The following RFX3 variants were observed in gnomAD, a reference collection of about 807,000 sequenced individuals.
RFX3 encodes the protein regulatory factor X3, also known as transcription factor RFX3.
RFX3 carries 14 observed loss-of-function variants against 98.6 expected under a neutral mutation model. That is an observed-to-expected ratio of 0.14 (90% CI 0.09 to 0.22). The LOEUF is 0.22. Among genes scored for constraint, RFX3 ranks in the 10% least tolerant of loss-of-function variants. RFX3 has a pLI of 1.00. For missense variants in RFX3, 639 were observed against 926.9 expected (o/e 0.69, Z 4.03); for synonymous variants, 383 against 328.4 (o/e 1.17, Z -1.80).
chr9:3,240,528 T>C (rs1819769941), intron 15 of RFX3, among the ~76,000 whole-genome samples: 1 of 152,224 alleles, frequency 6.6e-6, no homozygotes, highest in Non-Finnish European at 1.5e-5. Context: ...TGTAGAAACA[T>C]GTTCCCTTTG....
intron 1 of RFX3, among the ~76,000 whole-genome samples, chr9:3,406,550 C>T (rs1353738665): frequency 6.6e-6 from 1 of 152,020 alleles, no homozygotes; most frequent in African/African-American, 2.4e-5. Flanking sequence ...ATGGACTATC[C>T]TTATCTTTTT....
At chr9:3,391,443 A>G (rs959982263) in intron 2 of RFX3, among the ~76,000 whole-genome samples, 4 of 152,232 alleles carry the variant, frequency 2.6e-5, no homozygotes, top group African/African-American at 9.6e-5. Flanking sequence ...GTGAAATAAA[A>G]CACTTTGTTG....
intron 2 of RFX3, among the ~76,000 whole-genome samples, chr9:3,370,359 T>C (rs576943538): frequency 6.6e-6 from 1 of 151,980 alleles, no homozygotes; most frequent in East Asian, 1.9e-4. Context: ...GATTCCTTTT[T>C]CCAACCATAG....
intron 4 of RFX3, among the ~76,000 whole-genome samples, chr9:3,317,647 T>C (rs868650959): frequency 4.4e-4 from 67 of 152,312 alleles, no homozygotes; most frequent in African/African-American, 1.5e-3. Flanking sequence ...ATCCAGAATC[T>C]ACAAAGAACT....
intron 4 of RFX3, among the ~76,000 whole-genome samples, chr9:3,314,892 C>T (rs145914147): frequency 6.6e-6 from 1 of 152,124 alleles, no homozygotes; most frequent in African/African-American, 2.4e-5. Flanking sequence ...TAGAGACCTA[C>T]AAAGAGACTT....
chr9:3,238,815 C>T (rs1487217394), intron 15 of RFX3, among the ~76,000 whole-genome samples: 2 of 152,022 alleles, frequency 1.3e-5, no homozygotes, highest in Non-Finnish European at 2.9e-5. Flanking sequence ...TGGAGAAACC[C>T]CGTCTCTACT....
intron 1 of RFX3, among the ~76,000 whole-genome samples, chr9:3,484,855 G>C (rs1056647279): frequency 2.0e-5 from 3 of 151,958 alleles, no homozygotes; most frequent in African/African-American, 7.3e-5. Context: ...AGGCCAAAAA[G>C]GAAGGCTCAC....
At chr9:3,399,306 T>C (rs1232850811) in intron 1 of RFX3, among the ~76,000 whole-genome samples, 1 of 147,804 alleles carries the variant, frequency 6.8e-6, no homozygotes, top group African/African-American at 2.5e-5. Flanking sequence ...CAGCTGGTCA[T>C]GGTGGTGGGC....
rs796341336 is a variant in RFX3 at position 3,291,389 on chromosome 9, CA to C, written c.731+1687del. ...TCCTTCTCAAAAAACAAAACAAAAACAAAAACAAAACAAAACAAAACAAAAC... is the reference window on the plus strand; with the variant it reads ...TCCTTCTCAAAAAACAAAACAAAAACAAAACAAAACAAAACAAAACAAAAC... On this transcript the variant is annotated intron_variant, in intron 6 of 16. Coordinates refer to ENST00000617270, the MANE Select transcript of RFX3 (RefSeq NM_001282116.2). 2.2e-3 allele frequency among the ~76,000 whole-genome samples: 265 copies of C among 121,496 alleles called. 1 individual carries two copies. The highest frequency in any genetic ancestry group is 6.8e-3 in the African/African-American group (248 of 36,620). The allele number at this position is 121,496 out of a possible 152,430, so 79.7% of individuals were successfully genotyped here. A position where few individuals can be genotyped will look rare whatever the true frequency, so the allele number is the denominator to read the frequency against.
intron 2 of RFX3, among the ~76,000 whole-genome samples, chr9:3,383,422 T>C (rs1175062492): frequency 6.6e-6 from 1 of 152,114 alleles, no homozygotes; most frequent in Non-Finnish European, 1.5e-5. Flanking sequence ...CCATGTTTAG[T>C]ACAGCTGTCA....
At chr9:3,386,346 C>T (rs962623457) in intron 2 of RFX3, among the ~76,000 whole-genome samples, 29 of 151,762 alleles carry the variant, frequency 1.9e-4, no homozygotes, top group African/African-American at 6.5e-4. Context: ...AAATAATAAA[C>T]ATATTAAAGG....
At chr9:3,322,532 G>C (rs1360457757) in intron 4 of RFX3, among the ~76,000 whole-genome samples, 1 of 152,136 alleles carries the variant, frequency 6.6e-6, no homozygotes, top group African/African-American at 2.4e-5. Context: ...AGGAGTTCAA[G>C]ACCAACCCAG....
Position 3,393,112 on chromosome 9 carries a change from T to C in RFX3, c.117+2360A>G, listed in dbSNP as rs528867454. ...TGTGTTAGGGACCAAAAGAAGGGCA[T>C]GCTAAGGTAATGTTTAAAATGCTTA... On this transcript the variant is annotated intron_variant, in intron 2 of 16. Transcript: ENST00000617270. Among the ~76,000 whole-genome samples the C allele has an allele frequency of 4.6e-5, 7 of 152,156 alleles. No homozygotes were observed. In the South Asian group the frequency reaches 1.4e-3, roughly 32 times the overall value.
intron 1 of RFX3, among the ~76,000 whole-genome samples, chr9:3,461,417 G>A (rs1386684358): frequency 1.3e-5 from 2 of 151,926 alleles, no homozygotes; most frequent in Non-Finnish European, 2.9e-5. Context: ...ACAGCAACAT[G>A]TAAAAAGTCA....
chr9:3,418,191 T>C (rs969417498), intron 1 of RFX3, among the ~76,000 whole-genome samples: 4 of 152,200 alleles, frequency 2.6e-5, no homozygotes, highest in African/African-American at 9.7e-5. Flanking sequence ...AATGCCTTAG[T>C]TTCTCAACTG....
At chr9:3,304,186 C>T (rs1172193314) in intron 4 of RFX3, among the ~76,000 whole-genome samples, 1 of 151,904 alleles carries the variant, frequency 6.6e-6, no homozygotes, top group Non-Finnish European at 1.5e-5. Flanking sequence ...TAGTTACCAC[C>T]TCACTGATAA....
intron 13 of RFX3, among the ~76,000 whole-genome samples, chr9:3,259,997 T>C (rs1220432544): frequency 6.6e-6 from 1 of 151,768 alleles, no homozygotes; most frequent in African/African-American, 2.4e-5. Context: ...GAGATGGGGA[T>C]AAAGGTAAAA....
At chr9:3,394,848 T>C (rs1840692250) in intron 2 of RFX3, 2 of 985,254 alleles carry the variant, frequency 2.0e-6, no homozygotes, top group Non-Finnish European at 2.4e-6. Context: ...AGCATTACTT[T>C]GTCAGTATCT....
chr9:3,328,626 C>T (rs1302579835), intron 4 of RFX3, among the ~76,000 whole-genome samples: 1 of 152,104 alleles, frequency 6.6e-6, no homozygotes, highest in East Asian at 1.9e-4. Flanking sequence ...AGCTAGTCAT[C>T]TGTTCTGATG....
Sources: allele counts gnomAD v4.1 joint callset (sites outside exome capture counted in the v4.1 genomes callset), GRCh38; gene constraint gnomAD v4.1.1; transcripts MANE v1.5; gene names NCBI Gene and HGNC (gene_info 2026-07-23, HGNC 2026-07-21).